PRKD1: variants seen among roughly 807,000 people sequenced by gnomAD.
The protein encoded by PRKD1 is serine/threonine-protein kinase D1.
In PRKD1, 63 loss-of-function variants were observed where a neutral mutation model predicts 95.9. The ratio of observed to expected loss-of-function variants is 0.66; its 90% CI spans 0.54 to 0.81. PRKD1 has a LOEUF of 0.81. Ranked by LOEUF, PRKD1 falls within the 30% of genes least tolerant of loss-of-function variation. The pLI is 0.00. For synonymous variants in PRKD1, 425 were observed against 423.1 expected, an observed-to-expected ratio of 1.00 and a Z score of -0.05; for missense variants, 1,048 against 1,165.3, an observed-to-expected ratio of 0.90 and a Z score of 1.47.
chr14:29,878,869 T>C (rs1365139885), intron 1 of PRKD1, among the ~76,000 whole-genome samples: 2 of 152,122 alleles, frequency 1.3e-5, no homozygotes, highest in African/African-American at 4.8e-5. Flanking sequence ...ATTACTAAAT[T>C]GTACACTTAA....
chr14:29,720,962 G>A (rs1885863520), intron 2 of PRKD1, among the ~76,000 whole-genome samples: 1 of 152,140 alleles, frequency 6.6e-6, no homozygotes, highest in Non-Finnish European at 1.5e-5. Flanking sequence ...AAGACTTGGG[G>A]TGGGATAAAG....
intron 8 of PRKD1, among the ~76,000 whole-genome samples, chr14:29,634,129 A>G (rs1880206539): frequency 6.6e-6 from 1 of 152,228 alleles, no homozygotes; most frequent in Non-Finnish European, 1.5e-5. Flanking sequence ...CTGAAAGCAC[A>G]TACTGTGGCT....
intron 1 of PRKD1, among the ~76,000 whole-genome samples, chr14:29,822,807 T>A (rs1425566446): frequency 6.6e-6 from 1 of 152,172 alleles, no homozygotes; most frequent in African/African-American, 2.4e-5. Flanking sequence ...CTTTACTGAT[T>A]CTTTTTACAA....
chr14:29,655,023 T>C (rs144383756), intron 4 of PRKD1, among the ~76,000 whole-genome samples: 5 of 152,352 alleles, frequency 3.3e-5, no homozygotes, highest in African/African-American at 1.2e-4. Context: ...TTTTAATTTG[T>C]ACAACTTGCA....
At chr14:29,695,875 T>G (rs1351663713) in intron 2 of PRKD1, among the ~76,000 whole-genome samples, 1 of 152,160 alleles carries the variant, frequency 6.6e-6, no homozygotes, top group Admixed American at 6.5e-5. Flanking sequence ...TCAATAAATG[T>G]AAAATGGAAA....
chr14:29,853,559 A>G (rs79638062), intron 1 of PRKD1, among the ~76,000 whole-genome samples: 5,541 of 152,358 alleles, frequency 0.036, 153 homozygotes, highest in Middle Eastern at 0.068. Flanking sequence ...GAAATCATGC[A>G]TGAACCATCT....
intron 1 of PRKD1, among the ~76,000 whole-genome samples, chr14:29,742,535 T>C (rs1475771338): frequency 6.6e-6 from 1 of 152,172 alleles, no homozygotes; most frequent in Non-Finnish European, 1.5e-5. Context: ...TAAAGGCAGA[T>C]ATAATTTACA....
chr14:29,579,569 G>A (rs1892685788), intron 16 of PRKD1, among the ~76,000 whole-genome samples: 1 of 152,098 alleles, frequency 6.6e-6, no homozygotes, highest in Admixed American at 6.6e-5. Flanking sequence ...GTATGGACCT[G>A]AAGATACAGA....
intron 1 of PRKD1, among the ~76,000 whole-genome samples, chr14:29,772,631 T>G (rs1888561533): frequency 6.6e-6 from 1 of 152,216 alleles, no homozygotes; most frequent in Non-Finnish European, 1.5e-5. Context: ...TTTACTGACA[T>G]ATTACAACTG....
chr14:29,876,076 A>T (rs531574867), intron 1 of PRKD1, among the ~76,000 whole-genome samples: 4 of 152,206 alleles, frequency 2.6e-5, no homozygotes, highest in Admixed American at 2.6e-4. Flanking sequence ...GAAAACTCAA[A>T]TCTTTTATAA....
At chr14:29,890,222 A>G (rs1472237056) in intron 1 of PRKD1, among the ~76,000 whole-genome samples, 1 of 152,232 alleles carries the variant, frequency 6.6e-6, no homozygotes, top group Non-Finnish European at 1.5e-5. Context: ...AGTTATTTCA[A>G]GCATTTTATT....
chr14:29,609,714 ATT>A (rs61293890), intron 13 of PRKD1, among the ~76,000 whole-genome samples: 14 of 132,058 alleles, frequency 1.1e-4, no homozygotes, highest in African/African-American at 4.1e-4. Context: ...CTATTTCTTT[ATT>A]TTTTTTTTTT....
At chr14:29,763,395 GGGGA>G (rs1386629775) in intron 1 of PRKD1, among the ~76,000 whole-genome samples, 115 of 120,664 alleles carry the variant, frequency 9.5e-4, no homozygotes, top group Non-Finnish European at 1.5e-3. Context: ...AGGAGGGAGA[GGGGA>G]GGGAGGGAGG....
chr14:29,865,984 C>T (rs1892887162), intron 1 of PRKD1, among the ~76,000 whole-genome samples: 1 of 152,188 alleles, frequency 6.6e-6, no homozygotes, highest in East Asian at 1.9e-4. Flanking sequence ...TTGTCTTGCA[C>T]TCAGTATTCT....
At chr14:29,809,246 A>T (rs1890378563) in intron 1 of PRKD1, among the ~76,000 whole-genome samples, 1 of 152,250 alleles carries the variant, frequency 6.6e-6, no homozygotes, top group Non-Finnish European at 1.5e-5. Context: ...GAGCACAGAC[A>T]GAACAGATTT....
intron 4 of PRKD1, among the ~76,000 whole-genome samples, chr14:29,651,833 C>T (rs995765284): frequency 6.6e-6 from 1 of 152,080 alleles, no homozygotes; most frequent in African/African-American, 2.4e-5. Context: ...CAACCTCCAC[C>T]TCCCAGGTTC....
chr14:29,638,472 G>C lies in PRKD1; in HGVS notation c.985+17C>G. 6.2e-7 allele frequency: 1 copy of C among 1,612,216 alleles called. No individual in the cohort carries two copies. Among genetic ancestry groups the C allele is most frequent in the Non-Finnish European group, 8.5e-7 (1 of 1,178,220 alleles). On this transcript the variant is annotated intron_variant, in intron 6 of 17. Coordinates refer to ENST00000331968, the MANE Select transcript of PRKD1 (RefSeq NM_002742.3). Reference sequence around the variant, plus strand: ...ATATGGAAGAAGCACAGACATGACAGCTGATCTTTTACCTACCTCCATTAA... The same window carrying C: ...ATATGGAAGAAGCACAGACATGACACCTGATCTTTTACCTACCTCCATTAA...
chr14:29,601,483 G>A (rs1447844359), intron 13 of PRKD1, among the ~76,000 whole-genome samples: 1 of 152,190 alleles, frequency 6.6e-6, no homozygotes, highest in African/African-American at 2.4e-5. Context: ...AAGGGCTAGA[G>A]TCATTGTTCT....
Position 29,790,611 on chromosome 14 carries a change from A to G in PRKD1, c.265-64937T>C, listed in dbSNP as rs547972820. Reference sequence around the variant, plus strand: ...TTAATCTCATTGCTCATATTTCTGTAAAGTTTTCTTCAATTTTTAAGCTTA... The same window carrying G: ...TTAATCTCATTGCTCATATTTCTGTGAAGTTTTCTTCAATTTTTAAGCTTA... On this transcript the variant is annotated intron_variant, in intron 1 of 17. Transcript: ENST00000331968. Among the ~76,000 whole-genome samples the G allele has an allele frequency of 3.9e-5, 6 of 152,254 alleles. No individual in the cohort carries two copies. In the South Asian group the frequency reaches 1.2e-3, roughly 32 times the overall value.
Sources: gnomAD v4.1 joint callset for allele counts (sites outside exome capture counted in the v4.1 genomes callset) on GRCh38, gnomAD v4.1.1 for gene constraint, MANE v1.5 for transcripts, NCBI Gene and HGNC (gene_info 2026-07-23, HGNC 2026-07-21) for gene names.